HMCN2: variants seen among roughly 807,000 people sequenced by gnomAD.
HMCN2 encodes the protein hemicentin-2.
Under a neutral mutation model 377.5 loss-of-function variants are expected in HMCN2, and 325 were observed. The observed-to-expected ratio is 0.86, with a 90% confidence interval of 0.79 to 0.94. The LOEUF (loss-of-function observed/expected upper bound fraction) is 0.94, where lower values mean the gene tolerates loss of function less well. Among genes scored for constraint, HMCN2 ranks in the 40% least tolerant of loss-of-function variants. HMCN2 has a pLI of 0.00. For missense variants in HMCN2, 4,543 were observed against 4,725.3 expected, an observed-to-expected ratio of 0.96 and a Z score of 1.13; for synonymous variants, 2,007 against 2,046.8, an observed-to-expected ratio of 0.98 and a Z score of 0.53.
Position 130,269,077 on chromosome 9 carries a change from A to C in HMCN2, c.259+2940A>C, listed in dbSNP as rs1317702839. Among the ~76,000 whole-genome samples the C allele has an allele frequency of 3.4e-5, 5 of 148,230 alleles. 1 individual carries two copies. In the East Asian group the frequency reaches 9.7e-4, roughly 29 times the overall value. On this transcript the variant is annotated intron_variant, in intron 1 of 97. Coordinates refer to ENST00000683500, the MANE Select transcript of HMCN2 (RefSeq NM_001291815.2). ...AGCTGCACAGCGGGAGGGTTTTCTTAAAGTAAGCCCCTCTCCTAAACCCCA... is the reference window on the plus strand; with the variant it reads ...AGCTGCACAGCGGGAGGGTTTTCTTCAAGTAAGCCCCTCTCCTAAACCCCA...
At position 130,361,578 on chromosome 9, in the gene HMCN2, A is replaced by ATACAATGGAATCT. The variant is rs1840389099; in HGVS notation, c.5951-428_5951-416dup. Among the ~76,000 whole-genome samples, 1 of 152,200 alleles carries ATACAATGGAATCT rather than the reference A, an allele frequency of 6.6e-6. No homozygotes were observed. Among genetic ancestry groups the ATACAATGGAATCT allele is most frequent in the African/African-American group, 2.4e-5 (1 of 41,436 alleles). Reference sequence around the variant, plus strand: ...GGGCATCATGGCTGGTGCCTCCCAGATACAATGGAATCTTCTGGCTATTTT... The same window carrying ATACAATGGAATCT: ...GGGCATCATGGCTGGTGCCTCCCAGATACAATGGAATCTTACAATGGAATCTTCTGGCTATTTT... On this transcript the variant is annotated intron_variant, in intron 38 of 97. Coordinates refer to ENST00000683500, the MANE Select transcript of HMCN2 (RefSeq NM_001291815.2). This position sits in a 1 kb window ranked among gnomAD's most constrained non-coding sequence, Gnocchi z 4.8.
Position 130,425,828 on chromosome 9 carries a change from C to T in HMCN2, c.13783C>T (p.Gln4595Ter), listed in dbSNP as rs1255018938. Residue 4595 changes from glutamine to a stop codon, truncating the protein, a stop_gained, in exon 90 of 98, where the codon CAG becomes TAG. Transcript: ENST00000683500. LOFTEE classifies it high-confidence loss of function. ...CAACGCGGCCCGGGGCCCCCAGCCC[C>T]AGCTGGTGCAGCACCTGCGGGCCTC... is the stretch of plus-strand genomic sequence containing the variant. ...QYNAARGPQP[Q>*]LVQHLRASAI... 3.9e-6 allele frequency: 6 copies of T among 1,550,416 alleles called. No individual in the cohort carries two copies. Among genetic ancestry groups the T allele is most frequent in the Non-Finnish European group, 5.2e-6 (6 of 1,146,988 alleles).
intron 40 of HMCN2, among the ~76,000 whole-genome samples, chr9:130,363,546 G>T (rs1354423591): frequency 1.3e-5 from 2 of 152,126 alleles, no homozygotes; most frequent in East Asian, 1.9e-4. Flanking sequence ...TGGGAGCTGG[G>T]CATGGTGGCT....
intron 25 of HMCN2, among the ~76,000 whole-genome samples, chr9:130,345,394 G>C (rs1839332836): frequency 6.7e-6 from 1 of 149,902 alleles, no homozygotes; most frequent in Non-Finnish European, 1.5e-5. Flanking sequence ...TGTGTGGTGT[G>C]TGTGTGCTGT....
At chr9:130,433,313 G>A (rs1284427842) in intron 97 of HMCN2, 35 bp from the exon 98 acceptor site, 2 of 1,391,466 alleles carry the variant, frequency 1.4e-6, no homozygotes, top group East Asian at 3.0e-5. Flanking sequence ...CCGCACCCCC[G>A]AGTCCGCCTG....
chr9:130,285,412 C>G, intron 3 of HMCN2, 96 bp downstream of exon 3: 3 of 415,834 alleles, frequency 7.2e-6, no homozygotes, highest in Non-Finnish European at 4.9e-6. Flanking sequence ...TCCTGGAGAG[C>G]AGAGCTGGGC....
At chr9:130,285,050 G>A (rs534314814) in intron 2 of HMCN2, 108 bp from the exon 3 acceptor site, 1 of 398,452 alleles carries the variant, frequency 2.5e-6, no homozygotes, top group East Asian at 7.3e-5. Flanking sequence ...TGGGCAGGAG[G>A]TGACAGTTCA....
chr9:130,427,072 C>T (rs1435052376), intron 90 of HMCN2, among the ~76,000 whole-genome samples: 1 of 152,230 alleles, frequency 6.6e-6, no homozygotes, highest in African/African-American at 2.4e-5. Context: ...CCTGGGGCTG[C>T]CTGACTCACT....
At chr9:130,299,714 C>T (rs1217865225) in intron 8 of HMCN2, among the ~76,000 whole-genome samples, 2 of 149,896 alleles carry the variant, frequency 1.3e-5, no homozygotes, top group South Asian at 2.1e-4. Flanking sequence ...CATCCACCCA[C>T]CCATTCACTC....
chr9:130,368,466 G>A (rs1249776102), intron 44 of HMCN2, 29 bp downstream of exon 44: 45 of 984,518 alleles, frequency 4.6e-5, no homozygotes, highest in Admixed American at 2.5e-4. Flanking sequence ...GGCTGGAAGG[G>A]TCTGGGATCA....
At position 130,433,397 on chromosome 9, in the gene HMCN2, A is replaced by G; in HGVS notation, c.14944A>G (p.Thr4982Ala). 1.3e-6 allele frequency: 2 copies of G among 1,488,480 alleles called. No homozygotes were observed. Among genetic ancestry groups the G allele is most frequent in the Middle Eastern group, 2.2e-4 (1 of 4,568 alleles). 92.2% of individuals were successfully genotyped at this position (1,488,480 alleles called of 1,614,324 possible). A position where few individuals can be genotyped will look rare whatever the true frequency, so the allele number is the denominator to read the frequency against. Residue 4982 changes from threonine (T) to alanine (A), a missense_variant, in exon 98 of 98, where the codon ACG (threonine) becomes GCG (alanine). Coordinates refer to ENST00000683500, the MANE Select transcript of HMCN2 (RefSeq NM_001291815.2). Reference sequence around the variant, plus strand: ...GGACTGCGGCACGGGCGGCCCCTCTACGCTGCAGTACCGGCTGCTGCCGCT... The same window carrying G: ...GGACTGCGGCACGGGCGGCCCCTCTGCGCTGCAGTACCGGCTGCTGCCGCT... ...SQDCGTGGPS[T>A]LQYRLLPLPL...
In HMCN2 at chr9:130,427,319, A is replaced by G. The variant is rs1325874719; in HGVS notation, c.13886A>G (p.Asn4629Ser). ...QLATALQAEE[N>S]EVGCPEGFEL... ...TATCCTCTTTGCTTTGCAGAGGAGA[A>G]CGAGGTCGGCTGCCCCGAGGGCTTT... is the stretch of plus-strand genomic sequence containing the variant. The change falls in exon 91 of 98, where the codon AAC (asparagine) becomes AGC (serine). Residue 4629 changes from asparagine (N) to serine (S), a missense_variant. Coordinates refer to ENST00000683500, the MANE Select transcript of HMCN2 (RefSeq NM_001291815.2). 7 of 1,550,556 alleles carry G rather than the reference A, an allele frequency of 4.5e-6. No homozygotes were observed. The highest frequency in any genetic ancestry group is 2.7e-5 in the African/African-American group (2 of 73,188).
In HMCN2 at chr9:130,391,304, G is replaced by A. The variant is rs551741312; in HGVS notation, c.9768G>A (p.Pro3256=). ...LDCEADGQPP[P]DVAWLKDGSP... ...GTGAGGCCGATGGGCAGCCGCCGCCGGACGTGGCCTGGCTGAAGGACGGCA... is the reference window on the plus strand; with the variant it reads ...GTGAGGCCGATGGGCAGCCGCCGCCAGACGTGGCCTGGCTGAAGGACGGCA... Residue 3256 remains proline, a synonymous_variant, in exon 64 of 98, where the codon CCG becomes CCA. Transcript: ENST00000683500. The A allele has an allele frequency of 5.9e-4, 580 of 987,672 alleles. 4 individuals carry two copies. In the African/African-American group the frequency reaches 8.6e-3, roughly 15 times the overall value. 61.2% of individuals were successfully genotyped at this position (987,672 alleles called of 1,614,324 possible). A position where few individuals can be genotyped will look rare whatever the true frequency, so the allele number is the denominator to read the frequency against.
At position 130,361,178 on chromosome 9, in the gene HMCN2, G is replaced by A. The variant is rs1237673160; in HGVS notation, c.5950+574G>A. 6.6e-6 allele frequency among the ~76,000 whole-genome samples: 1 copy of A among 152,248 alleles called. No individual in the cohort carries two copies. Among genetic ancestry groups the A allele is most frequent in the Non-Finnish European group, 1.5e-5 (1 of 68,048 alleles). On this transcript the variant is annotated intron_variant, in intron 38 of 97. Transcript: ENST00000683500. The surrounding 1 kb of genome is among the most constrained non-coding windows in gnomAD (Gnocchi z 4.8). ...AGCCCTAGATAAGACAGACCTAGGA[G>A]CTTTCAGTGTAGTGGAGGACACAGC...
At position 130,431,297 on chromosome 9, in the gene HMCN2, T is replaced by C. The variant is rs558278737; in HGVS notation, c.14648-70T>C. 1.3e-4 allele frequency: 189 copies of C among 1,451,882 alleles called. No individual in the cohort carries two copies. In the African/African-American group the frequency reaches 2.4e-3, roughly 18 times the overall value. The allele number at this position is 1,451,882 out of a possible 1,614,324, so 89.9% of individuals were successfully genotyped here. On this transcript the variant is annotated intron_variant, in intron 95 of 97. Transcript: ENST00000683500. ...CCCAGCGGGCAGGTGTGTGGCCACG[T>C]TGGTGTCTGTGGCTCAGTGCGTCTC...
intron 15 of HMCN2, among the ~76,000 whole-genome samples, chr9:130,315,751 T>C (rs1461265546): frequency 6.6e-6 from 1 of 152,164 alleles, no homozygotes; most frequent in African/African-American, 2.4e-5. Flanking sequence ...GGCTGGGTTC[T>C]GCCAGGGTTC....
intron 1 of HMCN2, among the ~76,000 whole-genome samples, chr9:130,278,166 C>T (rs1256204646): frequency 6.6e-6 from 1 of 152,138 alleles, no homozygotes; most frequent in Non-Finnish European, 1.5e-5. Flanking sequence ...GCTCTGTCAC[C>T]CAGGGTGGAG....
intron 36 of HMCN2, 63 bp downstream of exon 36, chr9:130,358,549 T>G: frequency 7.7e-7 from 1 of 1,298,102 alleles, no homozygotes; most frequent in Non-Finnish European, 1.0e-6. Flanking sequence ...TGGGGACCCT[T>G]GGGGCTGAAG....
intron 14 of HMCN2, among the ~76,000 whole-genome samples, chr9:130,309,286 G>A (rs1183031782): frequency 2.6e-5 from 4 of 152,076 alleles, no homozygotes; most frequent in Non-Finnish European, 4.4e-5. Flanking sequence ...GCCCGAGGTG[G>A]GCAGATCACC....
Sources: gnomAD v4.1 joint callset for allele counts (sites outside exome capture counted in the v4.1 genomes callset) on GRCh38, gnomAD v4.1.1 for gene constraint, Gnocchi (gnomAD v3.1) non-coding constraint, MANE v1.5 for transcripts, NCBI Gene and HGNC (gene_info 2026-07-23, HGNC 2026-07-21) for gene names.